KCNC4: variants seen among roughly 807,000 people sequenced by gnomAD.
The protein encoded by KCNC4 is voltage-gated potassium channel KCNC4.
KCNC4 carries 23 observed loss-of-function variants against 42.8 expected under a neutral mutation model. The ratio of observed to expected loss-of-function variants is 0.54; its 90% CI spans 0.39 to 0.76. The LOEUF is 0.76. KCNC4 is among the 30% of genes least tolerant of loss of function. KCNC4 has a pLI of 0.00. For synonymous variants in KCNC4, 422 were observed against 393.5 expected (o/e 1.07, Z -0.86); for missense variants, 751 against 898.2 (o/e 0.84, Z 2.10).
chr1:110,232,653 G>T lies in KCNC4; in HGVS notation c.1820-258G>T, dbSNP rs1490999186. ...TCACCAGAGTTGGGTTGGCAGAGGG[G>T]TGAAGGGTTCACCCCATTCCCTGAC... On this transcript the variant is annotated intron_variant, in intron 3 of 3. Transcript: ENST00000438661. The T allele has an allele frequency of 2.1e-5, 31 of 1,450,672 alleles. No individual in the cohort carries two copies. In the South Asian group the frequency reaches 3.9e-4, roughly 18 times the overall value. 89.9% of individuals were successfully genotyped at this position (1,450,672 alleles called of 1,614,324 possible). A position where few individuals can be genotyped will look rare whatever the true frequency, so the allele number is the denominator to read the frequency against.
chr1:110,248,292 C>G (rs1557870023), exon 4 of KCNC4: 1 of 152,130 alleles, frequency 6.6e-6, no homozygotes, highest in Non-Finnish European at 1.5e-5. Flanking sequence ...AATGTGGCTA[C>G]TAGAAAAATT....
intron 1 of KCNC4, among the ~76,000 whole-genome samples, chr1:110,275,368 G>C (rs116772147): frequency 1.3e-5 from 2 of 152,080 alleles, no homozygotes; most frequent in African/African-American, 4.8e-5. Flanking sequence ...AATAGATGTT[G>C]GTGAGGATGC....
At chr1:110,234,525 C>A (rs1357541288), downstream of KCNC4, 1 of 152,258 alleles carries the variant, frequency 6.6e-6, no homozygotes, top group African/African-American at 2.4e-5. Flanking sequence ...TGAACACATC[C>A]TGGGCCTGGA....
rs753511793 is a variant in KCNC4, at chr1:110,225,929, C to T, written c.1616-46C>T. 3 of 1,519,596 alleles carry T rather than the reference C, an allele frequency of 2.0e-6. No individual in the cohort carries two copies. In the East Asian group the frequency reaches 6.8e-5, roughly 34 times the overall value. 94.1% of individuals were successfully genotyped at this position (1,519,596 alleles called of 1,614,324 possible). On this transcript the variant is annotated intron_variant, in intron 2 of 3. Transcript: ENST00000438661. ...GACCCCAGATGACCCATGAGCAAGG[C>T]TCAGGTCGCCCCTCATGCAGCCTCC...
downstream of KCNC4, among the ~76,000 whole-genome samples, chr1:110,250,621 G>T (rs1659234672): frequency 6.6e-6 from 1 of 152,208 alleles, no homozygotes; most frequent in Non-Finnish European, 1.5e-5. Context: ...AAAGCAAATT[G>T]CCAAGGGGAT....
intron 3 of KCNC4, chr1:110,228,752 T>C (rs1571051097): frequency 6.9e-6 from 1 of 145,298 alleles, no homozygotes; most frequent in Non-Finnish European, 1.5e-5. Flanking sequence ...TTCCATGCCC[T>C]CAGCGCTCAC....
chr1:110,231,283 C>T (rs1658675371), intron 3 of KCNC4, among the ~76,000 whole-genome samples: 1 of 152,136 alleles, frequency 6.6e-6, no homozygotes, highest in South Asian at 2.1e-4. Flanking sequence ...GAGAGGAGGG[C>T]CTGCTCTGCT....
chr1:110,212,793 G>T (rs1426404068), intron 1 of KCNC4, among the ~76,000 whole-genome samples: 1 of 152,134 alleles, frequency 6.6e-6, no homozygotes, highest in Non-Finnish European at 1.5e-5. Flanking sequence ...TTTCTGCCAG[G>T]GAGGATACCA....
At chr1:110,226,430 G>A in intron 3 of KCNC4, 1 of 534,690 alleles carries the variant, frequency 1.9e-6, no homozygotes, top group Admixed American at 3.1e-5. Context: ...GAGGGTAAAG[G>A]GTGCACAAGG....
chr1:110,252,553 A>G (rs529761204), downstream of KCNC4, among the ~76,000 whole-genome samples: 1 of 152,254 alleles, frequency 6.6e-6, no homozygotes, highest in Non-Finnish European at 1.5e-5. Context: ...CTCTCCCTTG[A>G]TCACCGGAGA....
Position 110,211,637 on chromosome 1 carries a change from A to G in KCNC4, c.138A>G (p.Arg46=). ...EKIIINVGGT[R]HETYRSTLRT... Reference sequence around the variant, plus strand: ...TCATCATCAACGTGGGCGGCACGCGACATGAGACCTACCGCAGCACCCTGC... The same window carrying G: ...TCATCATCAACGTGGGCGGCACGCGGCATGAGACCTACCGCAGCACCCTGC... The change falls in exon 1 of 4, where the codon CGA becomes CGG. Residue 46 remains arginine, a synonymous_variant. Transcript: ENST00000438661. The surrounding 1 kb of genome is among the most constrained non-coding windows in gnomAD (Gnocchi z 6.5). 1 of 1,613,848 alleles carries G rather than the reference A, an allele frequency of 6.2e-7. No homozygotes were observed. Among genetic ancestry groups the G allele is most frequent in the Non-Finnish European group, 8.5e-7 (1 of 1,179,926 alleles).
chr1:110,212,513 C>T (rs1657539754), intron 1 of KCNC4, among the ~76,000 whole-genome samples: 1 of 152,212 alleles, frequency 6.6e-6, no homozygotes, highest in Non-Finnish European at 1.5e-5. Context: ...CTATCTTCAG[C>T]TGCCCTCCAC....
chr1:110,231,981 C>G (rs1165321818), intron 3 of KCNC4, among the ~76,000 whole-genome samples: 2 of 152,248 alleles, frequency 1.3e-5, no homozygotes, highest in East Asian at 1.9e-4. Context: ...AGACCTCAGA[C>G]CCGAGAGCTG....
intron 1 of KCNC4, among the ~76,000 whole-genome samples, chr1:110,277,061 A>G (rs758927150): frequency 5.3e-5 from 8 of 152,198 alleles, no homozygotes; most frequent in Non-Finnish European, 1.2e-4. Context: ...ATTACCTTCC[A>G]CCCCACATCC....
At chr1:110,226,443 A>T in intron 3 of KCNC4, 1 of 516,194 alleles carries the variant, frequency 1.9e-6, no homozygotes, top group Non-Finnish European at 3.5e-6. Flanking sequence ...GCACAAGGCC[A>T]GGGTCCCTGC....
chr1:110,235,991 A>G (rs1658896445), downstream of KCNC4: 1 of 152,282 alleles, frequency 6.6e-6, no homozygotes, highest in African/African-American at 2.4e-5. Context: ...GCGCCTGTAA[A>G]GCCTCGCGCA....
intron 3 of KCNC4, among the ~76,000 whole-genome samples, chr1:110,227,196 C>G (rs1437391672): frequency 6.6e-6 from 1 of 152,220 alleles, no homozygotes; most frequent in Non-Finnish European, 1.5e-5. Flanking sequence ...ACCCCAGACC[C>G]AAACTAGGTT....
At chr1:110,250,344 C>T (rs2101066196), downstream of KCNC4, among the ~76,000 whole-genome samples, 2 of 152,306 alleles carry the variant, frequency 1.3e-5, 1 homozygote, top group South Asian at 4.1e-4. Flanking sequence ...GCCTTCTACA[C>T]TCACTCCCTC....
intron 1 of KCNC4, among the ~76,000 whole-genome samples, chr1:110,261,590 A>AG (rs55913736): frequency 0.27 from 41,520 of 152,100 alleles, 6,061 homozygotes; most frequent in Non-Finnish European, 0.33. Context: ...AACGCTTTAT[A>AG]GAAAAAGTAT....
Sources: allele counts gnomAD v4.1 joint callset (sites outside exome capture counted in the v4.1 genomes callset), GRCh38; gene constraint gnomAD v4.1.1; non-coding constraint Gnocchi (gnomAD v3.1); transcripts MANE v1.5; gene names NCBI Gene and HGNC (gene_info 2026-07-23, HGNC 2026-07-21).